Variants in NPM3 observed in about 807,000 individuals in gnomAD.
NPM3 encodes the protein nucleoplasmin-3.
In NPM3, 12 loss-of-function variants were observed where a neutral mutation model predicts 18.1. That is an observed-to-expected ratio of 0.66 (90% confidence interval 0.42 to 1.07). The LOEUF is 1.07. Among genes scored for constraint, NPM3 ranks in the 50% least tolerant of loss-of-function variants. The pLI is 0.00. For missense variants in NPM3, 274 were observed against 232.1 expected (o/e 1.18, Z -1.17); for synonymous variants, 116 against 93.7 (o/e 1.24, Z -1.38).
In NPM3 at chr10:101,781,717, C is replaced by A. The variant is rs528704540; in HGVS notation, c.*9+10G>T. The A allele has an allele frequency of 4.3e-6, 7 of 1,612,532 alleles. No homozygotes were observed. In the East Asian group the frequency reaches 1.1e-4, roughly 26 times the overall value. On this transcript the variant is annotated intron_variant, in intron 5 of 5. Transcript: ENST00000370110. The stretch of plus-strand genomic sequence containing the variant: ...CCAGAGCCTGCTAGGCACTTCTCCC[C>A]GCAACTCACCTAGGAGGGCTAGGGC...
chr10:101,781,494 C>T (rs2065140271), exon 6 of NPM3: 2 of 546,266 alleles, frequency 3.7e-6, no homozygotes, highest in Non-Finnish European at 6.4e-6. Flanking sequence ...GGAGCACAGG[C>T]CCTCTCCTAG....
At chr10:101,782,869 A>G (rs1479300063) in exon 2 of NPM3, 13 of 1,614,070 alleles carry the variant, frequency 8.1e-6, no homozygotes, top group Non-Finnish European at 1.0e-5. Flanking sequence ...GCTCCGCATC[A>G]TCCTCTTCCT....
Position 101,782,239 on chromosome 10 carries a change from G to C in NPM3, c.418+19C>G, listed in dbSNP as rs759778942. On this transcript the variant is annotated intron_variant, in intron 4 of 5. Transcript: ENST00000370110. ...AGAGTCCACTGGAAGCAAAGGAGAGGGCCCTCCCCTCTTCTCACCAATCTG... is the reference window on the plus strand; with the variant it reads ...AGAGTCCACTGGAAGCAAAGGAGAGCGCCCTCCCCTCTTCTCACCAATCTG... 1.4e-5 allele frequency: 23 copies of C among 1,604,464 alleles called. No homozygotes were observed. The highest frequency in any genetic ancestry group is 1.7e-4 in the Middle Eastern group (1 of 5,838).
chr10:101,782,629 C>T (rs2065150625), intron 2 of NPM3, 32 bp from the exon 3 acceptor site: 2 of 1,612,334 alleles, frequency 1.2e-6, no homozygotes, highest in East Asian at 2.2e-5. Context: ...TCAGGGTCTC[C>T]TCAAGTGAGG....
At chr10:101,782,296 C>A (rs1208780369) in exon 4 of NPM3, 1 of 1,613,994 alleles carries the variant, frequency 6.2e-7, no homozygotes, top group East Asian at 2.2e-5. Flanking sequence ...AGGGCCAGAG[C>A]CCGACTTCAG....
chr10:101,783,244 CCA>C (rs774409822), intron 1 of NPM3, 27 bp downstream of exon 1: 1 of 1,504,540 alleles, frequency 6.6e-7, no homozygotes, highest in Non-Finnish European at 9.1e-7. Flanking sequence ...CGCCCCAGTA[CCA>C]CCCTCAGCCT....
upstream of NPM3, chr10:101,783,424 C>A (rs200727580): frequency 2.4e-5 from 36 of 1,497,896 alleles, no homozygotes; most frequent in East Asian, 7.6e-4. Flanking sequence ...CCGCCCCCGA[C>A]ACGCACAAAG....
chr10:101,782,340 A>C (rs2065147899), exon 4 of NPM3: 1 of 1,613,912 alleles, frequency 6.2e-7, no homozygotes, highest in East Asian at 2.2e-5. Context: ...GCTGGAAGTC[A>C]TCCAGACTGA....
intron 4 of NPM3, 50 bp downstream of exon 4, chr10:101,782,208 G>T: frequency 2.0e-6 from 3 of 1,507,150 alleles, no homozygotes; most frequent in Non-Finnish European, 2.7e-6. Flanking sequence ...GGGGAAGCCT[G>T]ATGGGAGAGT....
At chr10:101,783,044 G>C in intron 1 of NPM3, 120 bp from the exon 2 acceptor site, 1 of 908,680 alleles carries the variant, frequency 1.1e-6, no homozygotes, top group South Asian at 1.6e-5. Context: ...GTCCACCTCC[G>C]TCTCTTCTCT....
intron 2 of NPM3, 80 bp downstream of exon 2, chr10:101,782,759 A>G (rs540494311): frequency 8.9e-6 from 14 of 1,576,812 alleles, no homozygotes; most frequent in Admixed American, 1.8e-5. Flanking sequence ...TCTCCAAGTA[A>G]AGGGGATCCG....
Position 101,783,322 on chromosome 10 carries a change from G to A in NPM3, c.69C>T (p.Val23=), listed in dbSNP as rs759412526. Reference sequence around the variant, plus strand: ...CCGGGGCCGGGACCCGTAGGCCCCCGACACCCCCGGCCCGCGTTCGGCTCT... The same window carrying A: ...CCGGGGCCGGGACCCGTAGGCCCCCAACACCCCCGGCCCGCGTTCGGCTCT... Residue 23 remains valine, a synonymous_variant, in exon 1 of 6, where the codon GTC becomes GTT. Transcript: ENST00000370110. 1.4e-5 allele frequency: 23 copies of A among 1,612,370 alleles called. No homozygotes were observed. The African/African-American group carries it at 1.5e-4, about 10-fold the overall frequency.
intron 2 of NPM3, 69 bp downstream of exon 2, chr10:101,782,770 G>C (rs1276072520): frequency 6.3e-7 from 1 of 1,583,958 alleles, no homozygotes; most frequent in African/African-American, 1.3e-5. Flanking sequence ...AGGGGATCCG[G>C]AGGTTGGGTA....
intron 1 of NPM3, 142 bp downstream of exon 1, chr10:101,783,131 T>C (rs927466249): frequency 2.8e-5 from 23 of 819,076 alleles, no homozygotes; most frequent in Non-Finnish European, 4.1e-5. Context: ...CCTTTGGCTG[T>C]GCGTGCGAGG....
chr10:101,782,488 C>T, exon 3 of NPM3: 1 of 1,611,592 alleles, frequency 6.2e-7, no homozygotes, highest in African/African-American at 1.3e-5. Context: ...CATGGGTTGG[C>T]AGGACAGCTT....
At position 101,781,710 on chromosome 10, in the gene NPM3, T is replaced by G. The variant is rs780282320; in HGVS notation, c.*9+17A>C. On this transcript the variant is annotated intron_variant, in intron 5 of 5. Coordinates refer to ENST00000370110, the Ensembl canonical transcript of NPM3. ...CCCCTTCCCAGAGCCTGCTAGGCAC[T>G]TCTCCCCGCAACTCACCTAGGAGGG... The G allele has an allele frequency of 6.6e-5, 106 of 1,611,916 alleles. No individual in the cohort carries two copies. Among genetic ancestry groups the G allele is most frequent in the Non-Finnish European group, 8.5e-5 (100 of 1,179,146 alleles).
At position 101,782,877 on chromosome 10, in the gene NPM3, C is replaced by T. The variant is rs2065153423; in HGVS notation, c.166G>A (p.Glu56Lys). 5 of 1,614,200 alleles carry T rather than the reference C, an allele frequency of 3.1e-6. No individual in the cohort carries two copies. In the South Asian group the frequency reaches 5.5e-5, roughly 18 times the overall value. Residue 56 changes from glutamate to lysine, a missense_variant, in exon 2 of 6, where the codon GAA becomes AAA. Coordinates refer to ENST00000370110, the Ensembl canonical transcript of NPM3. ...AGCACGTGCTCCGCATCATCCTCTT[C>T]CTCTACCTTAAAGGTGAAGGAGCGG...
chr10:101,782,729 G>A lies in NPM3; in HGVS notation c.204+110C>T, dbSNP rs768636783. On this transcript the variant is annotated intron_variant, in intron 2 of 5. Transcript: ENST00000370110. The stretch of plus-strand genomic sequence containing the variant: ...TGGCCAGGGGAGCCGCCCATGCCGG[G>A]GGGTTAGGCTGAGGATGTGTCTCCA... 3.2e-6 allele frequency: 5 copies of A among 1,572,506 alleles called. No individual in the cohort carries two copies. The African/African-American group carries it at 4.1e-5, about 13-fold the overall frequency.
chr10:101,782,866 A>G, exon 2 of NPM3: 1 of 1,614,192 alleles, frequency 6.2e-7, no homozygotes, highest in South Asian at 1.1e-5. Context: ...CGTGCTCCGC[A>G]TCATCCTCTT....
Sources: allele counts gnomAD v4.1 joint callset, GRCh38; gene constraint gnomAD v4.1.1; transcripts MANE v1.5; gene names NCBI Gene and HGNC (gene_info 2026-07-23, HGNC 2026-07-21).